KCNS3: variants seen among roughly 807,000 people sequenced by gnomAD.
The protein encoded by KCNS3 is delayed-rectifier potassium channel regulatory subunit KCNS3.
In KCNS3, 13 loss-of-function variants were observed where a neutral mutation model predicts 31.0. That is an observed-to-expected ratio of 0.42 (90% CI 0.27 to 0.67). The LOEUF (loss-of-function observed/expected upper bound fraction) is 0.67. Among genes scored for constraint, KCNS3 ranks in the 30% least tolerant of loss-of-function variants. KCNS3 has a pLI of 0.25. For synonymous variants in KCNS3, 238 were observed against 241.5 expected (o/e 0.99, Z 0.13); for missense variants, 545 against 622.4 (o/e 0.88, Z 1.32).
At chr2:17,916,961 A>G (rs1054402711) in intron 1 of KCNS3, among the ~76,000 whole-genome samples, 1 of 152,118 alleles carries the variant, frequency 6.6e-6, no homozygotes, top group African/African-American at 2.4e-5. Flanking sequence ...AATGTATGGG[A>G]ATGCATCAGC....
chr2:17,921,911 GTGTGTATATATATATATA>G (rs1188879808), intron 2 of KCNS3, among the ~76,000 whole-genome samples: 1,288 of 100,442 alleles, frequency 0.013, 48 homozygotes, highest in African/African-American at 0.049. Flanking sequence ...ATGTGTGTGT[GTGTGTATATATATATATA>G]TATATATATA....
intron 2 of KCNS3, among the ~76,000 whole-genome samples, chr2:17,930,598 C>T (rs892862350): frequency 3.9e-5 from 6 of 152,092 alleles, no homozygotes; most frequent in Non-Finnish European, 7.3e-5. Context: ...TCTCTGGAGA[C>T]GCTTGTATTA....
chr2:17,901,858 A>T (rs966656222), intron 1 of KCNS3, among the ~76,000 whole-genome samples: 2 of 152,170 alleles, frequency 1.3e-5, no homozygotes, highest in Non-Finnish European at 2.9e-5. Flanking sequence ...AAACTAGGTG[A>T]TCTGGCCACG....
Position 17,914,627 on chromosome 2 carries a change from G to C in KCNS3, c.-251-3053G>C, listed in dbSNP as rs536030347. ...CTTGTTGGCTCAGGGAAGAGGAATTGGTTCAAAAAATGTGTCATGCACTAC... is the reference window on the plus strand; with the variant it reads ...CTTGTTGGCTCAGGGAAGAGGAATTCGTTCAAAAAATGTGTCATGCACTAC... On this transcript the variant is annotated intron_variant, in intron 1 of 2. Coordinates refer to ENST00000304101, the MANE Select transcript of KCNS3 (RefSeq NM_002252.5). 3.3e-5 allele frequency among the ~76,000 whole-genome samples: 5 copies of C among 152,282 alleles called. No individual in the cohort carries two copies. The South Asian group carries it at 1.0e-3, about 32-fold the overall frequency.
In KCNS3 at chr2:17,913,938, A is replaced by T. The variant is rs149334952; in HGVS notation, c.-251-3742A>T. On this transcript the variant is annotated intron_variant, in intron 1 of 2. Coordinates refer to ENST00000304101, the MANE Select transcript of KCNS3 (RefSeq NM_002252.5). ...CCACAAGAAAGAATTACCTGACCCCACAATGTCAATAGTGCCGAGGCTGAG... is the reference window on the plus strand; with the variant it reads ...CCACAAGAAAGAATTACCTGACCCCTCAATGTCAATAGTGCCGAGGCTGAG... Among the ~76,000 whole-genome samples, 6 of 152,332 alleles carry T rather than the reference A, an allele frequency of 3.9e-5. No individual in the cohort carries two copies. In the East Asian group the frequency reaches 1.2e-3, roughly 29 times the overall value.
intron 1 of KCNS3, among the ~76,000 whole-genome samples, chr2:17,881,217 A>G (rs1425932242): frequency 6.6e-6 from 1 of 152,190 alleles, no homozygotes; most frequent in Non-Finnish European, 1.5e-5. Context: ...CTGAGGTCTC[A>G]CTAGGAGGAA....
chr2:17,880,205 T>A (rs1286622782), intron 1 of KCNS3, among the ~76,000 whole-genome samples: 1 of 152,182 alleles, frequency 6.6e-6, no homozygotes, highest in East Asian at 1.9e-4. Flanking sequence ...TCCCTGCATA[T>A]CTGGAGCCGA....
chr2:17,914,925 G>A (rs73225043), intron 1 of KCNS3, among the ~76,000 whole-genome samples: 2,657 of 152,320 alleles, frequency 0.017, 83 homozygotes, highest in African/African-American at 0.057. Flanking sequence ...TGGGAGAATG[G>A]TGCAGGGAGT....
rs148896096 is a variant in KCNS3, at chr2:17,929,543, C to T, written c.-59-1407C>T. ...CTCCCACCAGGCTCCACCTGCAACACGCAGGATCACAATTCAACATGAGAT... is the reference window on the plus strand; with the variant it reads ...CTCCCACCAGGCTCCACCTGCAACATGCAGGATCACAATTCAACATGAGAT... On this transcript the variant is annotated intron_variant, in intron 2 of 2. Coordinates refer to ENST00000304101, the MANE Select transcript of KCNS3 (RefSeq NM_002252.5). Among the ~76,000 whole-genome samples, 564 of 152,316 alleles carry T rather than the reference C, an allele frequency of 3.7e-3. 5 individuals carry two copies. Among genetic ancestry groups the T allele is most frequent in the Middle Eastern group, 0.031 (9 of 294 alleles).
At chr2:17,907,049 G>T (rs2125243313) in intron 1 of KCNS3, among the ~76,000 whole-genome samples, 1 of 152,306 alleles carries the variant, frequency 6.6e-6, no homozygotes, top group East Asian at 1.9e-4. Flanking sequence ...GTCTAATGTT[G>T]ACAGTGGGGT....
chr2:17,905,946 G>A (rs1662304014), intron 1 of KCNS3, among the ~76,000 whole-genome samples: 1 of 152,154 alleles, frequency 6.6e-6, no homozygotes, highest in Non-Finnish European at 1.5e-5. Context: ...TCTCTGCCAG[G>A]CTTTGGTATC....
intron 1 of KCNS3, among the ~76,000 whole-genome samples, chr2:17,913,706 C>A (rs1480596671): frequency 3.3e-5 from 5 of 152,182 alleles, no homozygotes; most frequent in African/African-American, 1.2e-4. Context: ...CCTTCCAGCT[C>A]CCAAACAGGT....
chr2:17,906,134 C>T (rs181445148), intron 1 of KCNS3, among the ~76,000 whole-genome samples: 8 of 152,332 alleles, frequency 5.3e-5, no homozygotes, highest in Admixed American at 5.2e-4. Context: ...GCCTCAATTT[C>T]AGAGCCTGTT....
chr2:17,890,824 T>G (rs1661836655), intron 1 of KCNS3, among the ~76,000 whole-genome samples: 1 of 152,218 alleles, frequency 6.6e-6, no homozygotes, highest in Non-Finnish European at 1.5e-5. Context: ...TTAAACTTAT[T>G]GAGGCTCATT....
At chr2:17,885,441 G>A (rs1014243045) in intron 1 of KCNS3, among the ~76,000 whole-genome samples, 2 of 152,238 alleles carry the variant, frequency 1.3e-5, no homozygotes, top group Non-Finnish European at 2.9e-5. Flanking sequence ...CTGTGCATAT[G>A]TGTAGAAAGA....
chr2:17,916,253 T>C (rs1662584097), intron 1 of KCNS3, among the ~76,000 whole-genome samples: 1 of 152,178 alleles, frequency 6.6e-6, no homozygotes, highest in African/African-American at 2.4e-5. Context: ...CTATATCCTT[T>C]TACCAAGGTG....
Position 17,931,321 on chromosome 2 carries a change from T to G in KCNS3, c.313T>G (p.Tyr105Asp). The change falls in exon 3 of 3, where the codon TAC becomes GAC. Residue 105 changes from tyrosine to aspartate, a missense_variant. Physicochemically the swap from Tyr to Asp is radical, Grantham distance 160. Coordinates refer to ENST00000304101, the MANE Select transcript of KCNS3 (RefSeq NM_002252.5). The surrounding 1 kb of genome is among the most constrained non-coding windows in gnomAD (Gnocchi z 5.4). ...CVFSFCQEIE[Y>D]WGINELFIDS... is the part of the protein sequence containing the mutation. ...ATTCTCATTCTGCCAGGAGATCGAGTACTGGGGCATCAACGAGCTCTTCAT... is the reference window on the plus strand; with the variant it reads ...ATTCTCATTCTGCCAGGAGATCGAGGACTGGGGCATCAACGAGCTCTTCAT... The G allele has an allele frequency of 1.2e-6, 2 of 1,614,016 alleles. No homozygotes were observed. Among genetic ancestry groups the G allele is most frequent in the Non-Finnish European group, 1.7e-6 (2 of 1,180,006 alleles).
intron 1 of KCNS3, among the ~76,000 whole-genome samples, chr2:17,911,424 T>G (rs1336549588): frequency 2.0e-5 from 3 of 152,252 alleles, no homozygotes; most frequent in Admixed American, 1.3e-4. Flanking sequence ...GATATCTATC[T>G]CATTCCCCTT....
intron 1 of KCNS3, among the ~76,000 whole-genome samples, chr2:17,907,716 A>T (rs10179031): frequency 0.92 from 139,412 of 152,154 alleles, 64,048 homozygotes; most frequent in East Asian, 0.99. Context: ...CCTTCGCTTA[A>T]GAAGCTTAGT....
Sources: gnomAD v4.1 joint callset for allele counts (sites outside exome capture counted in the v4.1 genomes callset) on GRCh38, gnomAD v4.1.1 for gene constraint, Gnocchi (gnomAD v3.1) non-coding constraint, MANE v1.5 for transcripts, NCBI Gene and HGNC (gene_info 2026-07-23, HGNC 2026-07-21) for gene names.